Variants in PRH1 observed in about 807,000 individuals in gnomAD.
PRH1 encodes proline rich protein HaeIII subfamily 1, also known as salivary acidic proline-rich phosphoprotein 1/2.
Under a neutral mutation model 7.9 loss-of-function variants are expected in PRH1, and 7 were observed. That is an observed-to-expected ratio of 0.89 (90% CI 0.50 to 1.67). PRH1 has a LOEUF of 1.67. Among genes scored for constraint, PRH1 ranks in the 40% most tolerant of loss-of-function variants. PRH1 has a pLI of 0.00. For missense variants in PRH1, 109 were observed against 223.6 expected (o/e 0.49, Z 3.27); for synonymous variants, 45 against 80.8 (o/e 0.56, Z 2.38).
chr12:11,035,480 A>C (rs1210549316), intron 1 of PRH1, among the ~76,000 whole-genome samples: 1 of 152,208 alleles, frequency 6.6e-6, no homozygotes, highest in Non-Finnish European at 1.5e-5. Flanking sequence ...TTGTTTTAGA[A>C]GTAGAAATGA....
intron 1 of PRH1, among the ~76,000 whole-genome samples, chr12:11,081,821 G>C (rs117240176): frequency 0.014 from 1,086 of 78,972 alleles, 20 homozygotes; most frequent in Non-Finnish European, 0.018. Flanking sequence ...TGGGGGAGGG[G>C]TTACTTCTCT....
intron 2 of PRH1, among the ~76,000 whole-genome samples, chr12:10,962,645 A>G (rs1308836562): frequency 6.6e-6 from 1 of 152,234 alleles, no homozygotes; most frequent in Non-Finnish European, 1.5e-5. Context: ...ACCCCAAGAC[A>G]TGTAATTTAT....
intron 2 of PRH1, among the ~76,000 whole-genome samples, chr12:10,891,252 A>T (rs1262390937): frequency 2.6e-5 from 4 of 152,226 alleles, no homozygotes; most frequent in Non-Finnish European, 5.9e-5. Context: ...CTGAATAAGC[A>T]TCTGAATGTA....
intron 1 of PRH1, among the ~76,000 whole-genome samples, chr12:11,151,083 A>G (rs989009785): frequency 6.6e-6 from 1 of 152,154 alleles, no homozygotes; most frequent in African/African-American, 2.4e-5. Context: ...AGCTGCTCCA[A>G]GGAGATGAGT....
In PRH1 at chr12:11,100,095, T is replaced by C. The variant is rs189254293; in HGVS notation, n.124-52907A>G. Among the ~76,000 whole-genome samples, 137 of 152,266 alleles carry C rather than the reference T, an allele frequency of 9.0e-4. 1 individual carries two copies. The highest frequency in any genetic ancestry group is 6.8e-3 in the Middle Eastern group (2 of 294). ...CTTCAGTATATAATCAGATGAGTAA[T>C]AATAATTTCTATGAGACATTTCTCC... On this transcript the variant is annotated intron_variant and non_coding_transcript_variant, in intron 1 of 4. Transcript: ENST00000541977.
intron 1 of PRH1, among the ~76,000 whole-genome samples, chr12:11,167,598 C>T (rs939302674): frequency 1.3e-5 from 2 of 152,074 alleles, no homozygotes; most frequent in Non-Finnish European, 2.9e-5. Context: ...GCGCCTGCCA[C>T]CACACCCAGC....
At chr12:11,105,632 T>C (rs1945386979) in intron 1 of PRH1, among the ~76,000 whole-genome samples, 2 of 151,734 alleles carry the variant, frequency 1.3e-5, no homozygotes, top group South Asian at 4.2e-4. Flanking sequence ...CAATGAAGAG[T>C]TTTTTAATTG....
At chr12:11,031,062 C>T (rs201717335) in intron 1 of PRH1, 1,109 of 1,614,112 alleles carry the variant, frequency 6.9e-4, no homozygotes, top group Non-Finnish European at 8.9e-4. Context: ...CTGAAATGGC[C>T]GGTTACTGCC....
At chr12:10,937,386 C>T (rs1185053745) in intron 2 of PRH1, 3 of 151,960 alleles carry the variant, frequency 2.0e-5, no homozygotes, top group African/African-American at 4.8e-5. Flanking sequence ...ATATGATCAT[C>T]TTAATAAACA....
chr12:11,161,108 TC>T, intron 1 of PRH1, among the ~76,000 whole-genome samples: 1 of 152,124 alleles, frequency 6.6e-6, no homozygotes. Context: ...TTGCCATGCA[TC>T]CTCCTCCATG....
rs1199905596 is a variant in PRH1 at position 10,986,745 on chromosome 12, T to C, written c.-125-13024A>G. On this transcript the variant is annotated intron_variant, in intron 1 of 3. Coordinates refer to the PRH1 transcript ENST00000539853. Reference sequence around the variant, plus strand: ...AATTTGGTCAGCTGAGGAGATCTTTTTTCTCTTCACCCAGTCAATGAAATT... The same window carrying C: ...AATTTGGTCAGCTGAGGAGATCTTTCTTCTCTTCACCCAGTCAATGAAATT... The C allele has an allele frequency of 1.9e-5, 30 of 1,612,512 alleles. No homozygotes were observed. The highest frequency in any genetic ancestry group is 2.4e-5 in the Non-Finnish European group (28 of 1,179,698).
At chr12:11,138,373 C>T (rs1946614577) in intron 1 of PRH1, among the ~76,000 whole-genome samples, 1 of 151,262 alleles carries the variant, frequency 6.6e-6, no homozygotes, top group South Asian at 2.1e-4. Flanking sequence ...TACACCTTAA[C>T]AAATTTGCCT....
chr12:11,054,572 T>G (rs1428173039), intron 1 of PRH1, among the ~76,000 whole-genome samples: 9 of 152,116 alleles, frequency 5.9e-5, no homozygotes, highest in African/African-American at 2.2e-4. Flanking sequence ...CTCACATATG[T>G]GTACACATGC....
intron 1 of PRH1, among the ~76,000 whole-genome samples, chr12:10,987,207 T>C (rs1939691498): frequency 1.3e-5 from 2 of 152,166 alleles, no homozygotes; most frequent in Non-Finnish European, 2.9e-5. Context: ...TCTCTTTCAA[T>C]ATTTTGCAAT....
chr12:11,153,539 T>C lies in PRH1; in HGVS notation n.39+17883A>G, dbSNP rs192882044. ...ACCCCTAAATTCTGCTGGTGCACCG[T>C]TGCCAGGAGATGCACTCTTCCTCCC... On this transcript the variant is annotated intron_variant and non_coding_transcript_variant, in intron 1 of 1. Coordinates refer to the PRH1 transcript ENST00000541175. Among the ~76,000 whole-genome samples the C allele has an allele frequency of 1.0e-3, 155 of 152,204 alleles. 1 individual carries two copies. Among genetic ancestry groups the C allele is most frequent in the African/African-American group, 3.6e-3 (151 of 41,558 alleles).
intron 1 of PRH1, among the ~76,000 whole-genome samples, chr12:11,069,181 G>C (rs76001853): frequency 0.48 from 60,609 of 126,858 alleles, 13,924 homozygotes; most frequent in Non-Finnish European, 0.56. Flanking sequence ...ACCTCCCAAG[G>C]TGCTCAATTA....
chr12:11,062,790 C>T (rs1192635624), intron 1 of PRH1, among the ~76,000 whole-genome samples: 2 of 152,066 alleles, frequency 1.3e-5, no homozygotes, highest in Non-Finnish European at 2.9e-5. Flanking sequence ...AGTTCATCAC[C>T]TATATGGACT....
At chr12:11,040,207 T>C (rs1174931192) in intron 1 of PRH1, among the ~76,000 whole-genome samples, 1 of 152,242 alleles carries the variant, frequency 6.6e-6, no homozygotes, top group East Asian at 1.9e-4. Context: ...TTAAGAGGAA[T>C]AGATGTTAAA....
At chr12:11,026,992 C>T (rs938333517) in intron 1 of PRH1, among the ~76,000 whole-genome samples, 4 of 152,222 alleles carry the variant, frequency 2.6e-5, no homozygotes. Context: ...AGACCAGGCC[C>T]TGTGGCACAT....
Sources: allele counts gnomAD v4.1 joint callset (sites outside exome capture counted in the v4.1 genomes callset), GRCh38; gene constraint gnomAD v4.1.1; transcripts MANE v1.5; gene names NCBI Gene and HGNC (gene_info 2026-07-23, HGNC 2026-07-21).